The following KIAA0319 variants were observed in gnomAD, a reference collection of about 807,000 sequenced individuals.
KIAA0319 encodes KIAA0319, also known as dyslexia-associated protein KIAA0319.
In KIAA0319, 83 loss-of-function variants were observed where a neutral mutation model predicts 108.4. The observed-to-expected ratio is 0.77, with a 90% CI of 0.64 to 0.92. KIAA0319 has a LOEUF of 0.92. Ranked by LOEUF, KIAA0319 falls within the 40% of genes least tolerant of loss-of-function variation. The probability of loss-of-function intolerance (pLI) is 0.00; values close to 1 mark genes in which losing one functional copy is unlikely to be tolerated. For synonymous variants in KIAA0319, 484 were observed against 510.4 expected (o/e 0.95, Z 0.70); for missense variants, 1,195 against 1,322.4 (o/e 0.90, Z 1.49).
At chr6:24,598,989 C>A in intron 2 of KIAA0319, 1 of 675,246 alleles carries the variant, frequency 1.5e-6, no homozygotes, top group Non-Finnish European at 2.7e-6. Context: ...GGAGGAGTCT[C>A]GCCTGGAAGG....
intron 1 of KIAA0319, among the ~76,000 whole-genome samples, chr6:24,629,040 G>A (rs1775129284): frequency 6.6e-6 from 1 of 152,162 alleles, no homozygotes; most frequent in Non-Finnish European, 1.5e-5. Context: ...CAAAAGAAAA[G>A]CTTCCTGAAA....
intron 19 of KIAA0319, among the ~76,000 whole-genome samples, chr6:24,554,076 G>A (rs1396846135): frequency 1.3e-5 from 2 of 152,228 alleles, no homozygotes; most frequent in African/African-American, 2.4e-5. Flanking sequence ...AATGGGGTGG[G>A]CAGCAGTCTT....
At chr6:24,561,397 C>A (rs955969470) in intron 16 of KIAA0319, among the ~76,000 whole-genome samples, 7 of 152,168 alleles carry the variant, frequency 4.6e-5, no homozygotes, top group African/African-American at 1.4e-4. Context: ...ATTACTAATT[C>A]AATCTCTTTA....
rs754330222 is a variant in KIAA0319, at chr6:24,588,703, A to G, written c.884T>C (p.Val295Ala). ...VTVEKSPVLT[V>A]TPGSTEHSIP... ...GCTGTGCTCTGTACTCCCCGGGGTG[A>G]CTGTGAGCACTGGGCTTTTCTCCAC... The change falls in exon 4 of 21, where the codon GTC (valine) becomes GCC (alanine). Residue 295 changes from valine to alanine, a missense_variant. Physicochemically the swap from Val to Ala is moderately conservative, Grantham distance 64 (BLOSUM62 0). Coordinates refer to ENST00000378214, the MANE Select transcript of KIAA0319 (RefSeq NM_014809.4). 1 of 1,614,000 alleles carries G rather than the reference A, an allele frequency of 6.2e-7. No homozygotes were observed. The highest frequency in any genetic ancestry group is 1.1e-5 in the South Asian group (1 of 91,074).
Position 24,599,790 on chromosome 6 carries a change from A to G in KIAA0319, c.55+1259T>C. The G allele has an allele frequency of 2.1e-6, 1 of 480,898 alleles. No homozygotes were observed. The highest frequency in any genetic ancestry group is 4.0e-6 in the Non-Finnish European group (1 of 253,018). The allele number at this position is 480,898 out of a possible 1,614,324, so 29.8% of individuals were successfully genotyped here. A position where few individuals can be genotyped will look rare whatever the true frequency, so the allele number is the denominator to read the frequency against. ...GTCCTCTGATGTTCTGCCCAAGTGA[A>G]TGGCCACAGCAGCCCCTCCCAGCCT... On this transcript the variant is annotated intron_variant, in intron 2 of 20. Coordinates refer to ENST00000378214, the MANE Select transcript of KIAA0319 (RefSeq NM_014809.4). This position sits in a 1 kb window ranked among gnomAD's most constrained non-coding sequence, Gnocchi z 4.1.
chr6:24,541,070 C>A (rs1760179046), downstream of KIAA0319, among the ~76,000 whole-genome samples: 1 of 152,312 alleles, frequency 6.6e-6, no homozygotes, highest in South Asian at 2.1e-4. Context: ...AGTACCTCTT[C>A]ATAAATGACT....
chr6:24,623,882 A>AACATCAC lies in KIAA0319; in HGVS notation c.-106+21847_-106+21853dup, dbSNP rs1774309757. ...ATTATACATTGTATGCTTGTGTCAA[A>AACATCAC]ACATCACATGTACCCCATAAATGTG... On this transcript the variant is annotated intron_variant, in intron 1 of 20. Transcript: ENST00000378214. Among the ~76,000 whole-genome samples, 3 of 152,282 alleles carry AACATCAC rather than the reference A, an allele frequency of 2.0e-5. 1 individual carries two copies. Among genetic ancestry groups the AACATCAC allele is most frequent in the South Asian group, 4.1e-4 (2 of 4,822 alleles).
intron 3 of KIAA0319, among the ~76,000 whole-genome samples, chr6:24,594,935 C>T (rs1295677096): frequency 6.6e-6 from 1 of 152,182 alleles, no homozygotes; most frequent in African/African-American, 2.4e-5. Context: ...ACTCTCTCCT[C>T]ACCACACAGT....
At chr6:24,553,719 C>T (rs1761909076) in intron 19 of KIAA0319, among the ~76,000 whole-genome samples, 1 of 152,172 alleles carries the variant, frequency 6.6e-6, no homozygotes, top group Non-Finnish European at 1.5e-5. Context: ...ACATCATACC[C>T]TTTTTGTCCA....
intron 1 of KIAA0319, among the ~76,000 whole-genome samples, chr6:24,633,030 A>T (rs976368187): frequency 2.0e-5 from 3 of 152,202 alleles, no homozygotes; most frequent in Non-Finnish European, 4.4e-5. Flanking sequence ...AATACAGGCA[A>T]GGAAGATATT....
Position 24,580,035 on chromosome 6 carries a change from T to C in KIAA0319, c.1280-85A>G, listed in dbSNP as rs1026328815. 13 of 1,035,446 alleles carry C rather than the reference T, an allele frequency of 1.3e-5. No homozygotes were observed. In the African/African-American group the frequency reaches 1.9e-4, roughly 15 times the overall value. 64.1% of individuals were successfully genotyped at this position (1,035,446 alleles called of 1,614,324 possible). On this transcript the variant is annotated intron_variant, in intron 7 of 20. Transcript: ENST00000378214. ...ACATAAAATCATCTACTTTAAAAAA[T>C]TGATTATACATGTCCTGTCAAGAAG...
At chr6:24,613,274 G>C (rs1216743797) in intron 1 of KIAA0319, among the ~76,000 whole-genome samples, 3 of 152,096 alleles carry the variant, frequency 2.0e-5, no homozygotes, top group African/African-American at 7.2e-5. Flanking sequence ...CACAGAGAGG[G>C]GTGGAGGATG....
At chr6:24,596,728 A>G in intron 2 of KIAA0319, 110 bp from the exon 3 acceptor site, 1 of 962,436 alleles carries the variant, frequency 1.0e-6, no homozygotes, top group Non-Finnish European at 1.5e-6. Flanking sequence ...CAGTCTGGCA[A>G]GCAAATAAAC....
At chr6:24,564,414 A>T in intron 14 of KIAA0319, 74 bp from the exon 15 acceptor site, 3 of 1,582,068 alleles carry the variant, frequency 1.9e-6, no homozygotes, top group Non-Finnish European at 1.7e-6. Flanking sequence ...TTGATCCTAA[A>T]CCTCAGTGTC....
rs1437339475 is a variant in KIAA0319 at position 24,607,039 on chromosome 6, A to C, written c.-105-5831T>G. Among the ~76,000 whole-genome samples the C allele has an allele frequency of 2.0e-5, 3 of 152,332 alleles. 1 individual carries two copies. In the East Asian group the frequency reaches 5.8e-4, roughly 29 times the overall value. ...AATAAACTTTTCTCTCATTTAAGCC[A>C]CTGCTTCTCTTGAACATTTGTTTCT... On this transcript the variant is annotated intron_variant, in intron 1 of 20. Coordinates refer to ENST00000378214, the MANE Select transcript of KIAA0319 (RefSeq NM_014809.4).
At chr6:24,573,329 G>A (rs1706862012) in intron 10 of KIAA0319, among the ~76,000 whole-genome samples, 1 of 152,184 alleles carries the variant, frequency 6.6e-6, no homozygotes, top group South Asian at 2.1e-4. Context: ...GATGCTGACT[G>A]AAGAACAGTC....
intron 5 of KIAA0319, chr6:24,583,294 G>A (rs1766909401): frequency 1.0e-6 from 1 of 1,002,780 alleles, no homozygotes; most frequent in Admixed American, 5.1e-5. Context: ...GGTTCTATGG[G>A]TTATTACAGT....
intron 8 of KIAA0319, among the ~76,000 whole-genome samples, chr6:24,579,325 C>T (rs896249456): frequency 6.6e-6 from 1 of 151,028 alleles, no homozygotes; most frequent in Non-Finnish European, 1.5e-5. Context: ...GAAGACATCC[C>T]TTCTAAGAGT....
At chr6:24,542,598 A>C (rs1205077674), downstream of KIAA0319, among the ~76,000 whole-genome samples, 4 of 152,110 alleles carry the variant, frequency 2.6e-5, no homozygotes, top group Non-Finnish European at 5.9e-5. Flanking sequence ...CTGTAGTCCC[A>C]CCTACTCAGG....
Sources: gnomAD v4.1 joint callset for allele counts (sites outside exome capture counted in the v4.1 genomes callset) on GRCh38, gnomAD v4.1.1 for gene constraint, Gnocchi (gnomAD v3.1) non-coding constraint, MANE v1.5 for transcripts, NCBI Gene and HGNC (gene_info 2026-07-23, HGNC 2026-07-21) for gene names.